SPMIP7: variants seen among roughly 807,000 people sequenced by gnomAD.
The protein encoded by SPMIP7 is protein SPMIP7.
At chr7:50,121,112 AC>A in the SPMIP7 span, among the ~76,000 whole-genome samples, 13 of 152,342 alleles carry the variant, frequency 8.5e-5, no homozygotes, top group African/African-American at 2.9e-4. Context: ...GAGTAAAAAA[AC>A]ACGAGGAAAG....
At chr7:50,124,202 T>C in the SPMIP7 span, among the ~76,000 whole-genome samples, 1 of 152,134 alleles carries the variant, frequency 6.6e-6, no homozygotes, top group Non-Finnish European at 1.5e-5. Context: ...CAATCATAAA[T>C]GTATATGCAT....
chr7:50,125,207 C>T, the SPMIP7 span, among the ~76,000 whole-genome samples: 22 of 86,254 alleles, frequency 2.6e-4, 1 homozygote, highest in African/African-American at 8.3e-4. Flanking sequence ...TATATATACA[C>T]ATATATATAC....
At chr7:50,141,001 A>T in the SPMIP7 span, among the ~76,000 whole-genome samples, 1 of 152,208 alleles carries the variant, frequency 6.6e-6, no homozygotes, top group Non-Finnish European at 1.5e-5. Flanking sequence ...GGCTGCAGGA[A>T]CAGCCCGCTT....
At chr7:50,097,073 G>T in the SPMIP7 span, among the ~76,000 whole-genome samples, 1 of 152,120 alleles carries the variant, frequency 6.6e-6, no homozygotes. Context: ...ACATTTTTTG[G>T]CTCCAATAAG....
chr7:50,110,880 T>C, the SPMIP7 span, among the ~76,000 whole-genome samples: 2 of 117,432 alleles, frequency 1.7e-5, no homozygotes, highest in African/African-American at 7.8e-5. Context: ...TATATTACTA[T>C]ATATTATTAC....
the SPMIP7 span, among the ~76,000 whole-genome samples, chr7:50,154,921 G>T: frequency 6.6e-6 from 1 of 152,110 alleles, no homozygotes; most frequent in Non-Finnish European, 1.5e-5. Flanking sequence ...TCTCACTGTG[G>T]TTTGTATTTC....
At chr7:50,151,537 A>G in the SPMIP7 span, 3 of 1,550,960 alleles carry the variant, frequency 1.9e-6, no homozygotes, top group South Asian at 3.6e-5. Flanking sequence ...CAACCCCATC[A>G]CCAGATTCAG....
At chr7:50,139,720 A>T in the SPMIP7 span, among the ~76,000 whole-genome samples, 2 of 152,220 alleles carry the variant, frequency 1.3e-5, no homozygotes, top group South Asian at 4.1e-4. Context: ...CCAAGAGCTC[A>T]CACAAAGACC....
the SPMIP7 span, among the ~76,000 whole-genome samples, chr7:50,144,667 C>T: frequency 1.3e-5 from 2 of 152,164 alleles, no homozygotes; most frequent in Admixed American, 1.3e-4. Context: ...TAGGCATGCC[C>T]AGTTACTAAA....
chr7:50,147,088 A>T, the SPMIP7 span, among the ~76,000 whole-genome samples: 1 of 152,218 alleles, frequency 6.6e-6, no homozygotes, highest in African/African-American at 2.4e-5. Context: ...TTCACTTGGG[A>T]TCTTTAAACA....
At chr7:50,109,576 T>C in the SPMIP7 span, among the ~76,000 whole-genome samples, 2 of 152,116 alleles carry the variant, frequency 1.3e-5, no homozygotes, top group Non-Finnish European at 2.9e-5. Flanking sequence ...GGTTTCACCA[T>C]GTTGGCCTGG....
At chr7:50,133,796 C>G in the SPMIP7 span, among the ~76,000 whole-genome samples, 11 of 152,118 alleles carry the variant, frequency 7.2e-5, no homozygotes, top group Non-Finnish European at 1.0e-4. Context: ...TTTTTTAGAG[C>G]TTGCTTGCTT....
the SPMIP7 span, chr7:50,129,635 A>G: frequency 1.0e-6 from 1 of 994,854 alleles, no homozygotes; most frequent in Non-Finnish European, 1.5e-6. Context: ...AAAGGAATCC[A>G]AAAGAAAACA....
the SPMIP7 span, among the ~76,000 whole-genome samples, chr7:50,130,972 G>A: frequency 6.6e-6 from 1 of 152,160 alleles, no homozygotes; most frequent in Non-Finnish European, 1.5e-5. Flanking sequence ...GACACTTTAA[G>A]CAATTGTAAT....
the SPMIP7 span, among the ~76,000 whole-genome samples, chr7:50,122,819 C>T: frequency 4.3e-4 from 65 of 152,312 alleles, 1 homozygote; most frequent in Non-Finnish European, 1.3e-4. Flanking sequence ...TGAAAAAATG[C>T]TCATCATCAC....
chr7:50,105,935 T>A, the SPMIP7 span, among the ~76,000 whole-genome samples: 2 of 152,232 alleles, frequency 1.3e-5, no homozygotes, highest in African/African-American at 4.8e-5. Flanking sequence ...TTAAAAAACC[T>A]ATGCTACAAA....
chr7:50,134,815 C>A, the SPMIP7 span, among the ~76,000 whole-genome samples: 2 of 152,184 alleles, frequency 1.3e-5, no homozygotes, highest in Non-Finnish European at 2.9e-5. Flanking sequence ...TATGCCATAG[C>A]CAGATAACTT....
the SPMIP7 span, among the ~76,000 whole-genome samples, chr7:50,145,442 G>T: frequency 6.7e-6 from 1 of 149,734 alleles, no homozygotes; most frequent in Non-Finnish European, 1.5e-5. Context: ...ATCAGTACAA[G>T]GAACATAAAA....
the SPMIP7 span, among the ~76,000 whole-genome samples, chr7:50,143,158 CAT>C: frequency 4.9e-3 from 572 of 115,960 alleles, 1 homozygote; most frequent in African/African-American, 0.017. Flanking sequence ...CAGTGAAAGC[CAT>C]TTTTTTTTTT....
Sources: allele counts gnomAD v4.1 joint callset (sites outside exome capture counted in the v4.1 genomes callset), GRCh38; gene constraint gnomAD v4.1.1; transcripts MANE v1.5; gene names NCBI Gene and HGNC (gene_info 2026-07-23, HGNC 2026-07-21).